Variants in FGF14 observed in about 807,000 individuals in gnomAD.
FGF14 encodes fibroblast growth factor 14, also known as fibroblast growth factor homologous factor 4.
A neutral mutation model predicts 25.5 loss-of-function variants in FGF14; 5 were observed. The ratio of observed to expected loss-of-function variants is 0.20; its 90% CI spans 0.10 to 0.41. The LOEUF (loss-of-function observed/expected upper bound fraction) is 0.41. Ranked by LOEUF, FGF14 falls within the 10% of genes least tolerant of loss-of-function variation. The probability of loss-of-function intolerance (pLI) is 1.00; values close to 1 mark genes in which losing one functional copy is unlikely to be tolerated. For synonymous variants in FGF14, 138 were observed against 118.3 expected (o/e 1.17, Z -1.08); for missense variants, 222 against 320.1 (o/e 0.69, Z 2.34).
At chr13:102,326,666 AG>A (rs2056437511) in intron 1 of FGF14, among the ~76,000 whole-genome samples, 1 of 80,616 alleles carries the variant, frequency 1.2e-5, no homozygotes, top group Non-Finnish European at 2.4e-5. Context: ...AGGGGAAGGG[AG>A]GGGAAGGGAA....
chr13:101,945,212 GGAGGCT>G (rs1421949036), intron 1 of FGF14, among the ~76,000 whole-genome samples: 1 of 152,090 alleles, frequency 6.6e-6, no homozygotes, highest in Non-Finnish European at 1.5e-5. Flanking sequence ...CAGCTACTTG[GGAGGCT>G]GAGGCAGGAG....
intron 1 of FGF14, among the ~76,000 whole-genome samples, chr13:102,202,478 G>A (rs187715695): frequency 1.8e-4 from 27 of 152,300 alleles, no homozygotes; most frequent in Admixed American, 8.5e-4. Flanking sequence ...AGGGCAGAAG[G>A]AGGAATTACA....
At chr13:102,291,564 A>G (rs2054399851) in intron 1 of FGF14, among the ~76,000 whole-genome samples, 1 of 152,222 alleles carries the variant, frequency 6.6e-6, no homozygotes, top group Admixed American at 6.5e-5. Flanking sequence ...AGATAGATCA[A>G]TAAATAACAT....
intron 3 of FGF14, among the ~76,000 whole-genome samples, chr13:101,831,161 A>T (rs1267778034): frequency 2.0e-5 from 3 of 151,944 alleles, no homozygotes; most frequent in African/African-American, 7.2e-5. Context: ...ATCCCATATG[A>T]TTTTTTGAGA....
chr13:102,023,975 A>T (rs1433655878), intron 1 of FGF14, among the ~76,000 whole-genome samples: 1 of 152,042 alleles, frequency 6.6e-6, no homozygotes, highest in Admixed American at 6.6e-5. Flanking sequence ...TTTTATTGAC[A>T]AGTAATATTC....
At chr13:102,018,649 C>T (rs1339854167) in intron 1 of FGF14, among the ~76,000 whole-genome samples, 2 of 151,868 alleles carry the variant, frequency 1.3e-5, no homozygotes, top group Admixed American at 6.6e-5. Flanking sequence ...TCCTCCAGCC[C>T]TGAGGCCTCC....
chr13:102,218,153 G>A (rs1429645609), intron 1 of FGF14, among the ~76,000 whole-genome samples: 1 of 151,942 alleles, frequency 6.6e-6, no homozygotes, highest in Non-Finnish European at 1.5e-5. Flanking sequence ...ATTCCAAGAG[G>A]AAATCAATCT....
intron 1 of FGF14, among the ~76,000 whole-genome samples, chr13:102,062,104 C>A (rs7317536): frequency 0.38 from 57,944 of 151,926 alleles, 11,618 homozygotes; most frequent in East Asian, 0.69. Context: ...ACAACAGCAG[C>A]AAAAAGTCTA....
intron 3 of FGF14, among the ~76,000 whole-genome samples, chr13:101,839,668 G>A (rs1225135157): frequency 6.6e-6 from 1 of 151,998 alleles, no homozygotes; most frequent in Non-Finnish European, 1.5e-5. Context: ...TTTCCTTATT[G>A]ATTATGTCTA....
chr13:101,789,459 C>T (rs1280211833), intron 3 of FGF14, among the ~76,000 whole-genome samples: 3 of 152,128 alleles, frequency 2.0e-5, no homozygotes, highest in Non-Finnish European at 2.9e-5. Context: ...TTGTGACTCA[C>T]CTGGAAAATC....
chr13:102,161,620 AAGAAG>A (rs2047697246), intron 1 of FGF14, among the ~76,000 whole-genome samples: 3 of 5,868 alleles, frequency 5.1e-4, no homozygotes, highest in Admixed American at 3.9e-3. Context: ...GAAGAAGAAG[AAGAAG>A]AAGAAGAAGA....
At chr13:102,064,499 T>C (rs965450490) in intron 1 of FGF14, among the ~76,000 whole-genome samples, 2 of 151,620 alleles carry the variant, frequency 1.3e-5, no homozygotes, top group African/African-American at 4.8e-5. Context: ...ACCTATTAAA[T>C]GGAAATTTGA....
At chr13:102,154,300 A>C (rs1173601120) in intron 1 of FGF14, among the ~76,000 whole-genome samples, 3 of 151,872 alleles carry the variant, frequency 2.0e-5, no homozygotes, top group African/African-American at 7.3e-5. Flanking sequence ...GAAGCCCATC[A>C]GACTAACAGC....
rs1388704096 is a variant in FGF14, at chr13:101,913,723, A to G, written c.193+2730T>C. Reference sequence around the variant, plus strand: ...TTCTACCTGCTCTTAAAATCTCTGCATCCTTCTTACCTGTCATCTCTCAAC... The same window carrying G: ...TTCTACCTGCTCTTAAAATCTCTGCGTCCTTCTTACCTGTCATCTCTCAAC... On this transcript the variant is annotated intron_variant, in intron 1 of 4. Coordinates refer to ENST00000376143, the MANE Select transcript of FGF14 (RefSeq NM_004115.4). 4.0e-5 allele frequency among the ~76,000 whole-genome samples: 6 copies of G among 151,788 alleles called. 1 individual carries two copies. The South Asian group carries it at 1.2e-3, about 32-fold the overall frequency.
At chr13:102,369,755 T>C (rs527734822) in intron 1 of FGF14, among the ~76,000 whole-genome samples, 1 of 152,232 alleles carries the variant, frequency 6.6e-6, no homozygotes, top group Non-Finnish European at 1.5e-5. Flanking sequence ...AGAAAAATAA[T>C]GCATAGGAAT....
intron 1 of FGF14, among the ~76,000 whole-genome samples, chr13:102,023,338 T>G (rs1249979256): frequency 1.3e-5 from 2 of 152,052 alleles, no homozygotes; most frequent in Non-Finnish European, 2.9e-5. Context: ...CTACAGATTT[T>G]TAATAAAGGG....
intron 1 of FGF14, among the ~76,000 whole-genome samples, chr13:102,086,565 A>C (rs554340045): frequency 6.6e-6 from 1 of 152,310 alleles, no homozygotes; most frequent in African/African-American, 2.4e-5. Flanking sequence ...TATTTTATCA[A>C]AGCCTTTCAT....
chr13:102,167,328 AAAAAAAGG>A (rs1243137750), intron 1 of FGF14, among the ~76,000 whole-genome samples: 2 of 139,546 alleles, frequency 1.4e-5, no homozygotes, highest in African/African-American at 5.3e-5. Context: ...AAAAAAAAAA[AAAAAAAGG>A]AAATTGTTAC....
At chr13:102,399,857 C>CA (rs2058661243) in intron 1 of FGF14, among the ~76,000 whole-genome samples, 1 of 152,062 alleles carries the variant, frequency 6.6e-6, no homozygotes, top group Admixed American at 6.5e-5. Context: ...ACTGCAGCAC[C>CA]GAGTCCACGG....
Sources: gnomAD v4.1 joint callset for allele counts (sites outside exome capture counted in the v4.1 genomes callset) on GRCh38, gnomAD v4.1.1 for gene constraint, MANE v1.5 for transcripts, NCBI Gene and HGNC (gene_info 2026-07-23, HGNC 2026-07-21) for gene names.